Variants in XKR4 observed in about 807,000 individuals in gnomAD.
XKR4 encodes the protein XK-related protein 4.
Under a neutral mutation model 53.9 loss-of-function variants are expected in XKR4, and 12 were observed. The observed-to-expected ratio is 0.22, with a 90% CI of 0.14 to 0.36. The LOEUF (loss-of-function observed/expected upper bound fraction) is 0.36, where lower values mean the gene tolerates loss of function less well. XKR4 is among the 10% of genes least tolerant of loss of function. The probability of loss-of-function intolerance (pLI) is 1.00; values close to 1 mark genes in which losing one functional copy is unlikely to be tolerated. For synonymous variants in XKR4, 354 were observed against 362.4 expected, an observed-to-expected ratio of 0.98 and a Z score of 0.26; for missense variants, 799 against 859.5, an observed-to-expected ratio of 0.93 and a Z score of 0.88.
intron 2 of XKR4, among the ~76,000 whole-genome samples, chr8:55,501,786 A>G (rs565430522): frequency 1.7e-4 from 26 of 152,262 alleles, no homozygotes; most frequent in African/African-American, 6.3e-4. Context: ...GCTGTTATGA[A>G]CATGGGTGAA....
chr8:55,472,599 A>G (rs2129400253), intron 2 of XKR4, among the ~76,000 whole-genome samples: 1 of 152,206 alleles, frequency 6.6e-6, no homozygotes, highest in Non-Finnish European at 1.5e-5. Context: ...AAATGGTCAG[A>G]GAGAGGGATG....
chr8:55,415,904 T>C (rs1160568872), intron 2 of XKR4, among the ~76,000 whole-genome samples: 5 of 152,300 alleles, frequency 3.3e-5, no homozygotes, highest in Non-Finnish European at 2.9e-5. Flanking sequence ...TTATGGTATA[T>C]GGATGCCCTC....
intron 1 of XKR4, among the ~76,000 whole-genome samples, chr8:55,315,931 T>A (rs1013400230): frequency 2.6e-5 from 4 of 152,148 alleles, no homozygotes; most frequent in Non-Finnish European, 5.9e-5. Flanking sequence ...TTAGTGTGAT[T>A]TGAGCTAAAG....
intron 1 of XKR4, among the ~76,000 whole-genome samples, chr8:55,223,110 C>T (rs576689091): frequency 6.6e-6 from 1 of 152,124 alleles, no homozygotes. Flanking sequence ...AAAGAAAAAC[C>T]CTGATGCTAT....
chr8:55,409,590 T>C lies in XKR4; in HGVS notation c.1006+51713T>C, dbSNP rs148942745. On this transcript the variant is annotated intron_variant, in intron 2 of 2. Coordinates refer to ENST00000327381, the MANE Select transcript of XKR4 (RefSeq NM_052898.2). ...GTTTTTTTTTTTTCTTTTTTGACAC[T>C]GCCTAACCTACAGTGTTTAATTTTA... is the stretch of plus-strand genomic sequence containing the variant. Among the ~76,000 whole-genome samples, 14 of 151,934 alleles carry C rather than the reference T, an allele frequency of 9.2e-5. 1 individual carries two copies. In the East Asian group the frequency reaches 2.7e-3, roughly 29 times the overall value.
intron 1 of XKR4, among the ~76,000 whole-genome samples, chr8:55,177,316 C>T (rs776362911): frequency 5.9e-5 from 9 of 152,268 alleles, no homozygotes; most frequent in East Asian, 3.9e-4. Context: ...GGATTACAGG[C>T]GTGAGCCACC....
At chr8:55,471,952 C>T (rs1805891337) in intron 2 of XKR4, among the ~76,000 whole-genome samples, 1 of 152,132 alleles carries the variant, frequency 6.6e-6, no homozygotes, top group African/African-American at 2.4e-5. Flanking sequence ...TTATAAATTA[C>T]CCAACTTTAG....
In XKR4 at chr8:55,539,648, TAGTA is replaced by T. The variant is rs1807074508; in HGVS notation, c.*15425_*15428del. Reference sequence around the variant, plus strand: ...TTTTTCTGGACTAATACTATGAGAATAGTAAGTGAGTCAAAAAATAATTGGGACT... The same window carrying T: ...TTTTTCTGGACTAATACTATGAGAATAGTGAGTCAAAAAATAATTGGGACT... On this transcript the variant is annotated 3_prime_UTR_variant, in exon 3 of 3. Coordinates refer to ENST00000327381, the MANE Select transcript of XKR4 (RefSeq NM_052898.2). 1 of 152,142 alleles carries T rather than the reference TAGTA, an allele frequency of 6.6e-6. No individual in the cohort carries two copies. The highest frequency in any genetic ancestry group is 2.4e-5 in the African/African-American group (1 of 41,434). 9.4% of individuals were successfully genotyped at this position (152,142 alleles called of 1,614,324 possible). A position where few individuals can be genotyped will look rare whatever the true frequency, so the allele number is the denominator to read the frequency against.
chr8:55,144,163 T>C (rs964963474), intron 1 of XKR4, among the ~76,000 whole-genome samples: 1 of 152,234 alleles, frequency 6.6e-6, no homozygotes, highest in Non-Finnish European at 1.5e-5. Flanking sequence ...TTTGCATCTC[T>C]TCTTGTCAAT....
At chr8:55,502,631 C>G (rs1283014960) in intron 2 of XKR4, among the ~76,000 whole-genome samples, 1 of 151,860 alleles carries the variant, frequency 6.6e-6, no homozygotes, top group South Asian at 2.1e-4. Flanking sequence ...ATATCTTTAT[C>G]AGACATATGG....
chr8:55,113,666 C>T (rs1367709733), intron 1 of XKR4, among the ~76,000 whole-genome samples: 2 of 152,086 alleles, frequency 1.3e-5, no homozygotes, highest in Non-Finnish European at 1.5e-5. Flanking sequence ...TTTAGTGTAC[C>T]TGTCACCCAA....
intron 1 of XKR4, among the ~76,000 whole-genome samples, chr8:55,261,937 A>G (rs1045944470): frequency 9.2e-5 from 14 of 152,008 alleles, no homozygotes; most frequent in African/African-American, 3.4e-4. Context: ...TGTAAGCAGT[A>G]TCTTTATCCA....
intron 2 of XKR4, among the ~76,000 whole-genome samples, chr8:55,439,582 A>G (rs1020247584): frequency 6.6e-6 from 1 of 152,254 alleles, no homozygotes; most frequent in Non-Finnish European, 1.5e-5. Flanking sequence ...AAACTAAAAT[A>G]AAATTTGTAT....
At position 55,490,940 on chromosome 8, in the gene XKR4, C is replaced by A. The variant is rs541728776; in HGVS notation, c.1007-32341C>A. Among the ~76,000 whole-genome samples, 66 of 148,366 alleles carry A rather than the reference C, an allele frequency of 4.4e-4. No homozygotes were observed. The East Asian group carries it at 0.011, about 24-fold the overall frequency. On this transcript the variant is annotated intron_variant, in intron 2 of 2. Coordinates refer to ENST00000327381, the MANE Select transcript of XKR4 (RefSeq NM_052898.2). ...TCCAATATTTTTTCTGCCCCCCCCC[C>A]ACCTTTATGACATTCCAGTTACACA...
intron 1 of XKR4, among the ~76,000 whole-genome samples, chr8:55,199,750 T>A (rs933441203): frequency 1.3e-5 from 2 of 152,246 alleles, no homozygotes; most frequent in African/African-American, 4.8e-5. Flanking sequence ...CCCTTTAGTG[T>A]TGTACTGTAA....
chr8:55,114,661 G>C (rs1284160171), intron 1 of XKR4, among the ~76,000 whole-genome samples: 1 of 152,160 alleles, frequency 6.6e-6, no homozygotes, highest in African/African-American at 2.4e-5. Flanking sequence ...AAATTTGTTT[G>C]ATTTATATTC....
intron 1 of XKR4, among the ~76,000 whole-genome samples, chr8:55,156,616 T>A (rs1006300682): frequency 2.8e-4 from 43 of 152,206 alleles, no homozygotes; most frequent in African/African-American, 8.4e-4. Context: ...GGGTATGGGA[T>A]TGGGCATCCT....
intron 1 of XKR4, among the ~76,000 whole-genome samples, chr8:55,284,996 C>A (rs181243164): frequency 1.3e-5 from 2 of 152,176 alleles, no homozygotes; most frequent in South Asian, 4.1e-4. Context: ...CTGCCCCAAA[C>A]GCTCAGGCTC....
At chr8:55,254,217 T>C (rs1200513087) in intron 1 of XKR4, among the ~76,000 whole-genome samples, 1 of 152,050 alleles carries the variant, frequency 6.6e-6, no homozygotes, top group African/African-American at 2.4e-5. Flanking sequence ...TAAGGTATGC[T>C]CTTTCTGTTC....
Sources: allele counts gnomAD v4.1 joint callset (sites outside exome capture counted in the v4.1 genomes callset), GRCh38; gene constraint gnomAD v4.1.1; transcripts MANE v1.5; gene names NCBI Gene and HGNC (gene_info 2026-07-23, HGNC 2026-07-21).